Variants in SGCD observed in about 807,000 individuals in gnomAD.
SGCD encodes delta-sarcoglycan.
Under a neutral mutation model 36.6 loss-of-function variants are expected in SGCD, and 18 were observed. That is an observed-to-expected ratio of 0.49 (90% CI 0.34 to 0.73). The LOEUF is 0.73. Ranked by LOEUF, SGCD falls within the 30% of genes least tolerant of loss-of-function variation. The pLI is 0.01. For missense variants in SGCD, 387 were observed against 346.7 expected (o/e 1.12, Z -0.92); for synonymous variants, 133 against 130.6 (o/e 1.02, Z -0.12).
At chr5:156,295,202 T>C (rs1766863602) in intron 3 of SGCD, among the ~76,000 whole-genome samples, 1 of 152,184 alleles carries the variant, frequency 6.6e-6, no homozygotes, top group Non-Finnish European at 1.5e-5. Flanking sequence ...TTAATCTTGG[T>C]AGGTTTTGTG....
At chr5:156,492,043 TAA>T (rs1561731839) in intron 3 of SGCD, among the ~76,000 whole-genome samples, 2 of 152,114 alleles carry the variant, frequency 1.3e-5, no homozygotes, top group Admixed American at 1.3e-4. Flanking sequence ...CCACAAAGCC[TAA>T]AAAAAGTCTT....
intron 3 of SGCD, among the ~76,000 whole-genome samples, chr5:156,281,752 G>A (rs1262101590): frequency 6.6e-6 from 1 of 152,164 alleles, no homozygotes; most frequent in Non-Finnish European, 1.5e-5. Flanking sequence ...TTTAAATTCA[G>A]AGGTTAGCTC....
At chr5:156,414,226 A>G (rs1172980823) in intron 3 of SGCD, among the ~76,000 whole-genome samples, 1 of 152,136 alleles carries the variant, frequency 6.6e-6, no homozygotes, top group Admixed American at 6.5e-5. Context: ...ATTTTATTGC[A>G]TTTTCTAAAG....
At chr5:156,553,089 G>A (rs143020079) in intron 4 of SGCD, among the ~76,000 whole-genome samples, 2 of 152,312 alleles carry the variant, frequency 1.3e-5, no homozygotes, top group Admixed American at 6.5e-5. Flanking sequence ...CACATGGTCA[G>A]AGATGAAGCA....
At chr5:156,565,281 T>A (rs1759430867) in intron 4 of SGCD, among the ~76,000 whole-genome samples, 1 of 152,226 alleles carries the variant, frequency 6.6e-6, no homozygotes, top group African/African-American at 2.4e-5. Context: ...TCTTGAAATA[T>A]TAGCCTTAGG....
chr5:156,052,941 C>T (rs985383592), intron 1 of SGCD, among the ~76,000 whole-genome samples: 15 of 146,186 alleles, frequency 1.0e-4, no homozygotes, highest in African/African-American at 3.4e-4. Flanking sequence ...CTTATGCAAG[C>T]TCTAGGACCA....
intron 1 of SGCD, among the ~76,000 whole-genome samples, chr5:156,008,674 C>T (rs1758799752): frequency 1.3e-5 from 2 of 152,154 alleles, no homozygotes; most frequent in Admixed American, 1.3e-4. Flanking sequence ...TGGTGCCCAG[C>T]CTACATTGTC....
chr5:156,131,167 T>A (rs1762311810), intron 3 of SGCD, among the ~76,000 whole-genome samples: 1 of 152,244 alleles, frequency 6.6e-6, no homozygotes, highest in African/African-American at 2.4e-5. Flanking sequence ...TCATGGACCA[T>A]AATATAAATT....
intron 4 of SGCD, among the ~76,000 whole-genome samples, chr5:156,552,260 G>A (rs1245698646): frequency 1.3e-5 from 2 of 152,086 alleles, no homozygotes; most frequent in Non-Finnish European, 2.9e-5. Flanking sequence ...TGTGTAAGTG[G>A]GTTTCTTCTT....
intron 7 of SGCD, among the ~76,000 whole-genome samples, chr5:156,734,895 A>G (rs913075957): frequency 6.6e-6 from 1 of 152,132 alleles, no homozygotes; most frequent in African/African-American, 2.4e-5. Flanking sequence ...GTGAGGTAGT[A>G]TGGTCATTTG....
chr5:155,991,499 C>T (rs1469879514), intron 1 of SGCD, among the ~76,000 whole-genome samples: 1 of 152,080 alleles, frequency 6.6e-6, no homozygotes, highest in African/African-American at 2.4e-5. Flanking sequence ...AAAAGAATTG[C>T]TATTTCACAG....
At chr5:156,438,091 C>G (rs1248010760) in intron 3 of SGCD, among the ~76,000 whole-genome samples, 5 of 152,094 alleles carry the variant, frequency 3.3e-5, no homozygotes, top group Non-Finnish European at 7.4e-5. Flanking sequence ...TTAAGTATCT[C>G]CGTTAGGGTT....
intron 3 of SGCD, among the ~76,000 whole-genome samples, chr5:156,429,025 T>C (rs900069056): frequency 6.6e-6 from 1 of 151,832 alleles, no homozygotes; most frequent in Admixed American, 6.6e-5. Flanking sequence ...GCTCAATCCA[T>C]TTCTTCTAGG....
the SGCD span, among the ~76,000 whole-genome samples, chr5:155,805,160 A>G: frequency 6.6e-6 from 1 of 152,252 alleles, no homozygotes; most frequent in Non-Finnish European, 1.5e-5. Flanking sequence ...TAAATTTAAC[A>G]TTTACAGTGT....
chr5:155,932,093 G>T (rs1343660076), intron 1 of SGCD, among the ~76,000 whole-genome samples: 2 of 152,052 alleles, frequency 1.3e-5, no homozygotes, highest in South Asian at 2.1e-4. Context: ...CCACCTTGGG[G>T]GTTAAGATTT....
At chr5:155,823,941 A>G in the SGCD span, among the ~76,000 whole-genome samples, 1 of 152,222 alleles carries the variant, frequency 6.6e-6, no homozygotes, top group Non-Finnish European at 1.5e-5. Flanking sequence ...ACAGACCAAA[A>G]GAGAGAAACT....
intron 2 of SGCD, among the ~76,000 whole-genome samples, chr5:156,331,828 A>G (rs1334855090): frequency 6.6e-6 from 1 of 152,216 alleles, no homozygotes; most frequent in Non-Finnish European, 1.5e-5. Context: ...GGCACTGTGT[A>G]TTCAATGAAA....
At chr5:156,540,580 C>A (rs1258828818) in intron 4 of SGCD, among the ~76,000 whole-genome samples, 1 of 152,106 alleles carries the variant, frequency 6.6e-6, no homozygotes, top group Non-Finnish European at 1.5e-5. Flanking sequence ...AATCCTGGGC[C>A]TTAAATGCTT....
chr5:156,390,879 A>G (rs1441205150), intron 3 of SGCD, among the ~76,000 whole-genome samples: 1 of 152,244 alleles, frequency 6.6e-6, no homozygotes, highest in Non-Finnish European at 1.5e-5. Flanking sequence ...AAATGCTTAC[A>G]AAAATAAAAG....
Sources: gnomAD v4.1 joint callset for allele counts (sites outside exome capture counted in the v4.1 genomes callset) on GRCh38, gnomAD v4.1.1 for gene constraint, MANE v1.5 for transcripts, NCBI Gene and HGNC (gene_info 2026-07-23, HGNC 2026-07-21) for gene names.